PARPBP: variants seen among roughly 807,000 people sequenced by gnomAD.
PARPBP encodes the protein PCNA-interacting partner.
PARPBP carries 52 observed loss-of-function variants against 50.0 expected under a neutral mutation model. The observed-to-expected ratio is 1.04, with a 90% CI of 0.83 to 1.31. PARPBP has a LOEUF of 1.31. Ranked by LOEUF, PARPBP falls within the 50% of genes most tolerant of loss-of-function variation. The pLI is 0.00. For missense variants in PARPBP, 697 were observed against 672.0 expected, an observed-to-expected ratio of 1.04 and a Z score of -0.41; for synonymous variants, 244 against 232.1, an observed-to-expected ratio of 1.05 and a Z score of -0.47.
At chr12:102,132,786 A>G (rs1167178536) in intron 2 of PARPBP, among the ~76,000 whole-genome samples, 6 of 152,150 alleles carry the variant, frequency 3.9e-5, no homozygotes, top group African/African-American at 7.2e-5. Flanking sequence ...CAGTTCATCA[A>G]TATGGGATAA....
intron 2 of PARPBP, among the ~76,000 whole-genome samples, chr12:102,139,247 G>A (rs1434228027): frequency 1.3e-5 from 2 of 152,186 alleles, no homozygotes; most frequent in East Asian, 1.9e-4. Flanking sequence ...TCTCTTTGTA[G>A]CAATTGTGAA....
rs982865131 is a variant in PARPBP, at chr12:102,158,452, C to T, written c.495+4476C>T. ...CTAAAATAGAGGAAGCTGCTTCAAG[C>T]AGGTTTTTGTGTCTTTTTTACATGC... On this transcript the variant is annotated intron_variant, in intron 4 of 10. Transcript: ENST00000327680. Among the ~76,000 whole-genome samples, 6 of 152,162 alleles carry T rather than the reference C, an allele frequency of 3.9e-5. No individual in the cohort carries two copies. In the South Asian group the frequency reaches 1.0e-3, roughly 26 times the overall value.
intron 6 of PARPBP, among the ~76,000 whole-genome samples, chr12:102,173,214 C>T (rs1888926067): frequency 6.6e-6 from 1 of 152,192 alleles, no homozygotes; most frequent in Non-Finnish European, 1.5e-5. Flanking sequence ...CATACCCATT[C>T]TACAGGGCTA....
At chr12:102,168,451 T>C (rs1426918610) in intron 6 of PARPBP, among the ~76,000 whole-genome samples, 3 of 152,162 alleles carry the variant, frequency 2.0e-5, no homozygotes, top group Non-Finnish European at 4.4e-5. Context: ...TTCAACTGGG[T>C]ATCTGAATAG....
At chr12:102,137,954 G>T (rs201522981) in intron 2 of PARPBP, among the ~76,000 whole-genome samples, 8 of 152,026 alleles carry the variant, frequency 5.3e-5, no homozygotes, top group Non-Finnish European at 1.0e-4. Flanking sequence ...GAATAGTGTC[G>T]CAATAAACAT....
intron 2 of PARPBP, among the ~76,000 whole-genome samples, chr12:102,135,328 A>AT (rs1883463239): frequency 6.6e-6 from 1 of 151,874 alleles, no homozygotes; most frequent in African/African-American, 2.4e-5. Flanking sequence ...GTGGATCACT[A>AT]GGTCAGGAGA....
At chr12:102,182,848 A>G (rs982401874) in intron 9 of PARPBP, among the ~76,000 whole-genome samples, 2 of 152,174 alleles carry the variant, frequency 1.3e-5, no homozygotes, top group African/African-American at 4.8e-5. Flanking sequence ...TGGACCTAAA[A>G]AAGGGAAATG....
At chr12:102,167,921 T>C (rs1888314815) in intron 6 of PARPBP, among the ~76,000 whole-genome samples, 1 of 152,134 alleles carries the variant, frequency 6.6e-6, no homozygotes, top group Non-Finnish European at 1.5e-5. Context: ...AGCTTTTCTG[T>C]TTTCAACCCT....
intron 4 of PARPBP, among the ~76,000 whole-genome samples, chr12:102,160,959 A>T (rs76596281): frequency 0.067 from 10,092 of 151,480 alleles, 493 homozygotes; most frequent in African/African-American, 0.14. Context: ...AAAAAAAAAA[A>T]ATATATATAT....
At chr12:102,121,134 G>C (rs1880992694) in intron 1 of PARPBP, among the ~76,000 whole-genome samples, 1 of 152,148 alleles carries the variant, frequency 6.6e-6, no homozygotes. Context: ...CCTCCACCTA[G>C]GAACCACGTG....
At chr12:102,168,529 T>C (rs186718162) in intron 6 of PARPBP, among the ~76,000 whole-genome samples, 1 of 152,292 alleles carries the variant, frequency 6.6e-6, no homozygotes, top group East Asian at 1.9e-4. Flanking sequence ...CTGCAGTAGG[T>C]ATAGGTTTGT....
chr12:102,158,953 C>G (rs1398355445), intron 4 of PARPBP, among the ~76,000 whole-genome samples: 1 of 152,112 alleles, frequency 6.6e-6, no homozygotes, highest in Non-Finnish European at 1.5e-5. Flanking sequence ...TGTTAATTCT[C>G]TAATTTCTAA....
At chr12:102,134,723 G>A (rs1883366852) in intron 2 of PARPBP, among the ~76,000 whole-genome samples, 1 of 152,112 alleles carries the variant, frequency 6.6e-6, no homozygotes, top group South Asian at 2.1e-4. Context: ...TGTCGCCCAG[G>A]CTGGAGTGCA....
At chr12:102,136,739 A>G (rs1477223284) in intron 2 of PARPBP, among the ~76,000 whole-genome samples, 1 of 152,244 alleles carries the variant, frequency 6.6e-6, no homozygotes, top group East Asian at 1.9e-4. Context: ...TCAACTTTCC[A>G]CATAAGAGTT....
chr12:102,138,769 G>T (rs937605609), intron 2 of PARPBP, among the ~76,000 whole-genome samples: 4 of 152,174 alleles, frequency 2.6e-5, no homozygotes, highest in South Asian at 2.1e-4. Context: ...TCTTGTTTTT[G>T]TCAGGTTTGT....
chr12:102,123,862 CT>C (rs1169157604), intron 1 of PARPBP, 23 bp from the exon 2 acceptor site: 17 of 1,505,932 alleles, frequency 1.1e-5, no homozygotes, highest in Non-Finnish European at 1.5e-5. Context: ...GATACTTTAA[CT>C]TTGTATTCTG....
intron 4 of PARPBP, among the ~76,000 whole-genome samples, chr12:102,161,352 C>T (rs1424179152): frequency 6.6e-6 from 1 of 152,088 alleles, no homozygotes; most frequent in East Asian, 1.9e-4. Context: ...AAGTGACCCA[C>T]CTGCCTTGGC....
chr12:102,158,210 A>G (rs1348856922), intron 4 of PARPBP, among the ~76,000 whole-genome samples: 4 of 150,706 alleles, frequency 2.7e-5, no homozygotes, highest in Middle Eastern at 6.5e-3. Context: ...ATAAAGCTTT[A>G]TCTTATCAAA....
chr12:102,195,272 G>T, intron 9 of PARPBP, 40 bp from the exon 10 acceptor site: 1 of 1,273,242 alleles, frequency 7.9e-7, no homozygotes, highest in South Asian at 1.3e-5. Flanking sequence ...ATAAAATAAT[G>T]AATAAATTTG....
Sources: allele counts gnomAD v4.1 joint callset (sites outside exome capture counted in the v4.1 genomes callset), GRCh38; gene constraint gnomAD v4.1.1; transcripts MANE v1.5; gene names NCBI Gene and HGNC (gene_info 2026-07-23, HGNC 2026-07-21).